The following SNTG1 variants were observed in gnomAD, a reference collection of about 807,000 sequenced individuals.
The protein encoded by SNTG1 is gamma-1-syntrophin.
Under a neutral mutation model 74.7 loss-of-function variants are expected in SNTG1, and 39 were observed. The observed-to-expected ratio is 0.52, with a 90% CI of 0.40 to 0.68. The LOEUF (loss-of-function observed/expected upper bound fraction) is 0.68. SNTG1 is among the 30% of genes least tolerant of loss of function. SNTG1 has a pLI of 0.00. For synonymous variants in SNTG1, 254 were observed against 217.1 expected, an observed-to-expected ratio of 1.17 and a Z score of -1.49; for missense variants, 685 against 609.5, an observed-to-expected ratio of 1.12 and a Z score of -1.30.
chr8:50,701,803 T>C (rs10106581), intron 15 of SNTG1, among the ~76,000 whole-genome samples: 16,914 of 116,834 alleles, frequency 0.14, 1,438 homozygotes, highest in African/African-American at 0.29. Flanking sequence ...CCTCCTCCTC[T>C]TCTTCTTCTT....
intron 8 of SNTG1, among the ~76,000 whole-genome samples, chr8:50,474,061 A>G (rs2093675357): frequency 6.6e-6 from 1 of 152,046 alleles, no homozygotes; most frequent in South Asian, 2.1e-4. Context: ...AACATTGTGA[A>G]TGTTTGTTGC....
chr8:50,382,961 G>A (rs1465887475), intron 2 of SNTG1, among the ~76,000 whole-genome samples: 2 of 152,080 alleles, frequency 1.3e-5, no homozygotes, highest in Non-Finnish European at 2.9e-5. Flanking sequence ...TTTGCTTTTA[G>A]GGCCTTTCAG....
At chr8:50,542,436 C>T (rs970633108) in intron 11 of SNTG1, among the ~76,000 whole-genome samples, 2 of 152,030 alleles carry the variant, frequency 1.3e-5, no homozygotes, top group Non-Finnish European at 2.9e-5. Flanking sequence ...GGATTAAAGG[C>T]ATGAGCCACC....
At chr8:50,239,716 T>C (rs2086083372) in intron 2 of SNTG1, among the ~76,000 whole-genome samples, 1 of 152,228 alleles carries the variant, frequency 6.6e-6, no homozygotes, top group South Asian at 2.1e-4. Flanking sequence ...TTTGTGAGGA[T>C]ACTTCGTCAA....
Position 50,658,677 on chromosome 8 carries a change from G to T in SNTG1, c.1038+14G>T. 1 of 1,589,444 alleles carries T rather than the reference G, an allele frequency of 6.3e-7. No homozygotes were observed. Among genetic ancestry groups the T allele is most frequent in the Non-Finnish European group, 8.6e-7 (1 of 1,162,996 alleles). ...AAGATCCTCAAGGTATGATCAATATGTAGTCAGTATTTGAATGGCTTTTCC... is the reference window on the plus strand; with the variant it reads ...AAGATCCTCAAGGTATGATCAATATTTAGTCAGTATTTGAATGGCTTTTCC... On this transcript the variant is annotated intron_variant, in intron 15 of 18. Transcript: ENST00000642720.
chr8:50,598,825 T>C (rs2094751147), intron 13 of SNTG1, among the ~76,000 whole-genome samples: 1 of 152,010 alleles, frequency 6.6e-6, no homozygotes, highest in South Asian at 2.1e-4. Context: ...AGTATTTCTC[T>C]GTGGCCATTG....
At chr8:50,144,761 C>T (rs1299673231) in intron 1 of SNTG1, among the ~76,000 whole-genome samples, 2 of 152,102 alleles carry the variant, frequency 1.3e-5, no homozygotes, top group South Asian at 2.1e-4. Flanking sequence ...GGTGGATAAA[C>T]GTTCTACTCA....
At chr8:50,174,842 G>A (rs924255328) in intron 2 of SNTG1, among the ~76,000 whole-genome samples, 2 of 150,348 alleles carry the variant, frequency 1.3e-5, no homozygotes, top group Non-Finnish European at 3.0e-5. Context: ...GGTATATCTC[G>A]TAATGCTATC....
At chr8:50,286,926 C>T (rs1415816593) in intron 2 of SNTG1, 1 of 152,144 alleles carries the variant, frequency 6.6e-6, no homozygotes, top group African/African-American at 2.4e-5. Context: ...AGTCCTGTTG[C>T]TTGTTTTAGA....
At chr8:50,681,928 T>C (rs1375944159) in intron 15 of SNTG1, among the ~76,000 whole-genome samples, 2 of 152,206 alleles carry the variant, frequency 1.3e-5, no homozygotes, top group Non-Finnish European at 2.9e-5. Context: ...AGAGATGTTC[T>C]GACTTTTCAG....
chr8:50,521,164 C>G (rs182063842), intron 9 of SNTG1, among the ~76,000 whole-genome samples: 4 of 152,072 alleles, frequency 2.6e-5, no homozygotes, highest in Non-Finnish European at 5.9e-5. Context: ...TAGACTAACA[C>G]AGGAACAGAA....
intron 5 of SNTG1, among the ~76,000 whole-genome samples, chr8:50,448,550 C>T (rs1587664883): frequency 6.6e-6 from 1 of 152,196 alleles, no homozygotes; most frequent in East Asian, 1.9e-4. Flanking sequence ...TTCTATGCTT[C>T]TTTTTATATA....
chr8:50,465,034 C>T (rs1289726791), intron 8 of SNTG1, among the ~76,000 whole-genome samples: 7 of 151,322 alleles, frequency 4.6e-5, no homozygotes, highest in African/African-American at 1.7e-4. Context: ...GTAATATCTG[C>T]AGAGGTCAGT....
At chr8:50,234,214 A>G (rs1405583065) in intron 2 of SNTG1, among the ~76,000 whole-genome samples, 4 of 152,012 alleles carry the variant, frequency 2.6e-5, no homozygotes, top group African/African-American at 4.8e-5. Flanking sequence ...ATATACTTTC[A>G]TCAGTAAAAA....
chr8:50,783,286 C>G (rs913676891), intron 18 of SNTG1, among the ~76,000 whole-genome samples: 2 of 152,184 alleles, frequency 1.3e-5, no homozygotes, highest in Non-Finnish European at 2.9e-5. Flanking sequence ...TTTGTCTGTG[C>G]CCTGCCCCCA....
intron 1 of SNTG1, among the ~76,000 whole-genome samples, chr8:49,978,653 T>A (rs551796725): frequency 6.6e-6 from 1 of 152,252 alleles, no homozygotes; most frequent in South Asian, 2.1e-4. Context: ...AGGACATCAC[T>A]TAAAAACACT....
At chr8:50,595,319 T>A (rs191478863) in intron 13 of SNTG1, among the ~76,000 whole-genome samples, 1 of 152,090 alleles carries the variant, frequency 6.6e-6, no homozygotes, top group East Asian at 1.9e-4. Flanking sequence ...AAAAAAGTAA[T>A]GTGTCTGTAT....
intron 9 of SNTG1, among the ~76,000 whole-genome samples, chr8:50,511,270 G>T (rs2129939343): frequency 6.6e-6 from 1 of 152,264 alleles, no homozygotes; most frequent in East Asian, 1.9e-4. Flanking sequence ...ATTGCACTGT[G>T]GTCTGAGAGA....
intron 2 of SNTG1, among the ~76,000 whole-genome samples, chr8:50,198,308 C>A (rs575659763): frequency 3.8e-4 from 58 of 152,300 alleles, no homozygotes; most frequent in African/African-American, 1.2e-3. Context: ...TGCCCTTTGG[C>A]GACTTGTCCT....
Sources: gnomAD v4.1 joint callset for allele counts (sites outside exome capture counted in the v4.1 genomes callset) on GRCh38, gnomAD v4.1.1 for gene constraint, MANE v1.5 for transcripts, NCBI Gene and HGNC (gene_info 2026-07-23, HGNC 2026-07-21) for gene names.